The following PLCE1 variants were observed in gnomAD, a reference collection of about 807,000 sequenced individuals.
PLCE1 encodes the protein 1-phosphatidylinositol 4,5-bisphosphate phosphodiesterase epsilon-1.
Under a neutral mutation model 242.8 loss-of-function variants are expected in PLCE1, and 119 were observed. That is an observed-to-expected ratio of 0.49 (90% CI 0.42 to 0.57). PLCE1 has a LOEUF of 0.57. Ranked by LOEUF, PLCE1 falls within the 20% of genes least tolerant of loss-of-function variation. The pLI is 0.00. For synonymous variants in PLCE1, 945 were observed against 1,017.4 expected (o/e 0.93, Z 1.35); for missense variants, 2,441 against 2,788.8 (o/e 0.88, Z 2.81).
intron 2 of PLCE1, among the ~76,000 whole-genome samples, chr10:94,114,431 T>C (rs564195561): frequency 6.6e-6 from 1 of 152,316 alleles, no homozygotes; most frequent in South Asian, 2.1e-4. Flanking sequence ...AATGCTGCAC[T>C]TCAGAGCCAG....
At chr10:94,129,115 G>T (rs575428445) in intron 2 of PLCE1, among the ~76,000 whole-genome samples, 20 of 152,274 alleles carry the variant, frequency 1.3e-4, no homozygotes, top group African/African-American at 4.8e-4. Context: ...TAACTGTCCT[G>T]AAGGCCCGAG....
intron 3 of PLCE1, among the ~76,000 whole-genome samples, chr10:94,155,459 G>T (rs961774972): frequency 2.6e-5 from 4 of 152,140 alleles, no homozygotes; most frequent in African/African-American, 9.7e-5. Context: ...GTAGACTAGT[G>T]GTTGTCAGGG....
At chr10:94,301,973 T>G (rs1313170353) in intron 24 of PLCE1, among the ~76,000 whole-genome samples, 1 of 152,224 alleles carries the variant, frequency 6.6e-6, no homozygotes, top group Admixed American at 6.5e-5. Context: ...AGTATTTTAA[T>G]GGGTAGAAGA....
At chr10:94,241,459 C>G (rs534390111) in intron 7 of PLCE1, among the ~76,000 whole-genome samples, 1 of 152,234 alleles carries the variant, frequency 6.6e-6, no homozygotes, top group Admixed American at 6.5e-5. Flanking sequence ...CTTAAAACAA[C>G]AAGAAGTAGG....
intron 1 of PLCE1, among the ~76,000 whole-genome samples, chr10:93,994,802 G>T (rs1489647055): frequency 6.6e-6 from 1 of 152,138 alleles, no homozygotes; most frequent in Non-Finnish European, 1.5e-5. Context: ...GGAAGCTTTC[G>T]CCCCTCGCTC....
chr10:94,262,229 G>T (rs1351455336), intron 13 of PLCE1, among the ~76,000 whole-genome samples: 1 of 152,054 alleles, frequency 6.6e-6, no homozygotes. Context: ...TTGAGCTCCA[G>T]ACCTCAGGTG....
chr10:94,152,401 C>T (rs563775154), intron 3 of PLCE1, among the ~76,000 whole-genome samples: 15 of 152,150 alleles, frequency 9.9e-5, no homozygotes, highest in Non-Finnish European at 1.3e-4. Flanking sequence ...ACAAGTGGAA[C>T]GCTGCAAATC....
chr10:94,110,802 T>G (rs1485611634), intron 2 of PLCE1, among the ~76,000 whole-genome samples: 1 of 152,230 alleles, frequency 6.6e-6, no homozygotes, highest in Non-Finnish European at 1.5e-5. Flanking sequence ...TTGGTAATTT[T>G]CAGCTTGATT....
At chr10:94,072,405 C>A (rs1403761513) in intron 2 of PLCE1, among the ~76,000 whole-genome samples, 1 of 151,890 alleles carries the variant, frequency 6.6e-6, no homozygotes, top group Non-Finnish European at 1.5e-5. Flanking sequence ...GCCTCCTGAG[C>A]AACTGGGACT....
chr10:94,092,163 AG>A (rs2045101952), intron 2 of PLCE1, among the ~76,000 whole-genome samples: 1 of 152,248 alleles, frequency 6.6e-6, no homozygotes, highest in African/African-American at 2.4e-5. Context: ...ATAAACCTCA[AG>A]AATCTTGTCA....
At chr10:94,090,541 G>A (rs1294204504) in intron 2 of PLCE1, among the ~76,000 whole-genome samples, 2 of 152,190 alleles carry the variant, frequency 1.3e-5, no homozygotes, top group African/African-American at 4.8e-5. Context: ...CCTTATGGAA[G>A]GTGCGGGGTG....
intron 3 of PLCE1, among the ~76,000 whole-genome samples, chr10:94,158,857 T>TG (rs1203128691): frequency 1.1e-4 from 16 of 143,024 alleles, no homozygotes; most frequent in African/African-American, 3.5e-4. Context: ...TCTTTTTCTT[T>TG]TTTTTTTTTT....
chr10:94,173,103 A>G (rs1303312743), intron 4 of PLCE1, among the ~76,000 whole-genome samples: 1 of 152,208 alleles, frequency 6.6e-6, no homozygotes, highest in Non-Finnish European at 1.5e-5. Context: ...CTATCTTATC[A>G]ATGAGAAACT....
intron 1 of PLCE1, among the ~76,000 whole-genome samples, chr10:94,024,953 G>T (rs2061431297): frequency 6.6e-6 from 1 of 152,052 alleles, no homozygotes; most frequent in African/African-American, 2.4e-5. Flanking sequence ...GTTAGGAAAA[G>T]ATTTAGATGT....
chr10:94,052,918 G>T (rs1216074198), intron 2 of PLCE1, among the ~76,000 whole-genome samples: 1 of 152,114 alleles, frequency 6.6e-6, no homozygotes, highest in African/African-American at 2.4e-5. Flanking sequence ...TTTATTTGGT[G>T]CTTGCAAATT....
intron 4 of PLCE1, among the ~76,000 whole-genome samples, chr10:94,211,124 C>A (rs1379593724): frequency 6.6e-6 from 1 of 152,360 alleles, no homozygotes; most frequent in Admixed American, 6.5e-5. Flanking sequence ...ATGGCCTGGA[C>A]TCTTCTCCCT....
At chr10:94,190,118 A>G (rs2048611399) in intron 4 of PLCE1, among the ~76,000 whole-genome samples, 1 of 152,008 alleles carries the variant, frequency 6.6e-6, no homozygotes, top group African/African-American at 2.4e-5. Flanking sequence ...CCCCATCTAT[A>G]AAAAAATACA....
At chr10:94,032,634 G>T (rs1348673719) in intron 2 of PLCE1, among the ~76,000 whole-genome samples, 1 of 151,224 alleles carries the variant, frequency 6.6e-6, no homozygotes, top group Non-Finnish European at 1.5e-5. Flanking sequence ...ACTTAATTCT[G>T]TTTTTTTTCA....
At chr10:94,179,530 T>TTTTTTTTA (rs10636243) in intron 4 of PLCE1, among the ~76,000 whole-genome samples, 6 of 118,824 alleles carry the variant, frequency 5.0e-5, no homozygotes, top group East Asian at 5.1e-4. Flanking sequence ...TTTTTTTTTT[T>TTTTTTTTA]GACAGGGTCT....
Sources: allele counts gnomAD v4.1 joint callset (sites outside exome capture counted in the v4.1 genomes callset), GRCh38; gene constraint gnomAD v4.1.1; transcripts MANE v1.5; gene names NCBI Gene and HGNC (gene_info 2026-07-23, HGNC 2026-07-21).